Variants in KIRREL3 observed in about 807,000 individuals in gnomAD.
The protein encoded by KIRREL3 is kin of IRRE-like protein 3.
Under a neutral mutation model 89.7 loss-of-function variants are expected in KIRREL3, and 36 were observed. The observed-to-expected ratio is 0.40, with a 90% CI of 0.31 to 0.53. KIRREL3 has a LOEUF of 0.53. KIRREL3 is among the 20% of genes least tolerant of loss of function. The pLI, the probability that KIRREL3 is intolerant of heterozygous loss-of-function variation, is 0.49. For missense variants in KIRREL3, 864 were observed against 1,056.6 expected, an observed-to-expected ratio of 0.82 and a Z score of 2.53; for synonymous variants, 445 against 441.4, an observed-to-expected ratio of 1.01 and a Z score of -0.10.
intron 2 of KIRREL3, among the ~76,000 whole-genome samples, chr11:126,529,677 A>G (rs575262821): frequency 6.6e-6 from 1 of 152,048 alleles, no homozygotes; most frequent in South Asian, 2.1e-4. Context: ...TTCTATGGAA[A>G]GACTGTTTCT....
intron 6 of KIRREL3, among the ~76,000 whole-genome samples, chr11:126,458,991 C>T (rs370532288): frequency 6.6e-6 from 1 of 152,168 alleles, no homozygotes; most frequent in Non-Finnish European, 1.5e-5. Context: ...ACCTAGAGAA[C>T]ATGGACACTC....
intron 1 of KIRREL3, among the ~76,000 whole-genome samples, chr11:126,888,231 G>C (rs1381164995): frequency 6.6e-6 from 1 of 152,192 alleles, no homozygotes; most frequent in Non-Finnish European, 1.5e-5. Flanking sequence ...TGGGACACTA[G>C]ACAGCAGCCA....
chr11:126,450,973 G>C (rs1020886535), intron 7 of KIRREL3, among the ~76,000 whole-genome samples: 1 of 151,454 alleles, frequency 6.6e-6, no homozygotes, highest in African/African-American at 2.4e-5. Context: ...GTGCATGCAT[G>C]GGTGTGTGCA....
intron 1 of KIRREL3, among the ~76,000 whole-genome samples, chr11:126,863,504 A>C (rs1337873147): frequency 1.2e-5 from 1 of 80,048 alleles, no homozygotes; most frequent in African/African-American, 4.9e-5. Flanking sequence ...TGTGAGTGTG[A>C]GTGCGTGTGT....
At position 126,891,743 on chromosome 11, in the gene KIRREL3, G is replaced by C. The variant is rs1945931664; in HGVS notation, c.55+108712C>G. Among the ~76,000 whole-genome samples, 1 of 152,178 alleles carries C rather than the reference G, an allele frequency of 6.6e-6. No homozygotes were observed. The highest frequency in any genetic ancestry group is 2.1e-4 in the South Asian group (1 of 4,824). ...AAGGAAGTTGGCTGGCAGGTTCTGC[G>C]ATCCCTGGAGATGGGCAGGGCTGGG... On this transcript the variant is annotated intron_variant, in intron 1 of 16. Coordinates refer to ENST00000525144, the MANE Select transcript of KIRREL3 (RefSeq NM_032531.4). The surrounding 1 kb of genome is among the most constrained non-coding windows in gnomAD (Gnocchi z 5.1).
At position 126,431,445 on chromosome 11, in the gene KIRREL3, G is replaced by GC. The variant is rs1565443868; in HGVS notation, c.1669dup (p.Ala557GlyfsTer20). The GC allele has an allele frequency of 3.7e-6, 6 of 1,614,000 alleles. No homozygotes were observed. Among genetic ancestry groups the GC allele is most frequent in the Non-Finnish European group, 5.1e-6 (6 of 1,179,878 alleles). ...TCTCTGGGAACGGGCACAGCAGAACGCCACGATGGTTGCCATAAGGACGAG... is the reference window on the plus strand; with the variant it reads ...TCTCTGGGAACGGGCACAGCAGAACGCCCACGATGGTTGCCATAAGGACGAG... On this transcript the variant is annotated frameshift_variant, in exon 14 of 17. Coordinates refer to ENST00000525144, the MANE Select transcript of KIRREL3 (RefSeq NM_032531.4). LOFTEE classifies it high-confidence loss of function. The surrounding 1 kb of genome is among the most constrained non-coding windows in gnomAD (Gnocchi z 7.1).
chr11:126,585,458 T>C (rs1941789665), intron 1 of KIRREL3, among the ~76,000 whole-genome samples: 1 of 151,662 alleles, frequency 6.6e-6, no homozygotes, highest in Non-Finnish European at 1.5e-5. Context: ...GCTCTCGAAT[T>C]CCTGACCTCG....
In KIRREL3 at chr11:126,515,527, G is replaced by A. The variant is rs1159162296; in HGVS notation, c.433+5788C>T. On this transcript the variant is annotated intron_variant, in intron 4 of 16. Transcript: ENST00000525144. The surrounding 1 kb of genome is among the most constrained non-coding windows in gnomAD (Gnocchi z 4.2). ...ATGTGGGCTCCAGAGAAGGCTTCCTGGAGGAGGAGTTGTCTGAGGTGAATC... is the reference window on the plus strand; with the variant it reads ...ATGTGGGCTCCAGAGAAGGCTTCCTAGAGGAGGAGTTGTCTGAGGTGAATC... 1.3e-5 allele frequency among the ~76,000 whole-genome samples: 2 copies of A among 152,330 alleles called. No homozygotes were observed. Among genetic ancestry groups the A allele is most frequent in the East Asian group, 3.9e-4 (2 of 5,170 alleles).
chr11:126,433,120 C>T (rs375178488), intron 13 of KIRREL3, among the ~76,000 whole-genome samples: 1 of 152,178 alleles, frequency 6.6e-6, no homozygotes, highest in African/African-American at 2.4e-5. Context: ...CTCAGGTGAT[C>T]CGCCCGCCTC....
intron 1 of KIRREL3, among the ~76,000 whole-genome samples, chr11:126,962,766 T>C (rs1949131534): frequency 6.6e-6 from 1 of 152,144 alleles, no homozygotes; most frequent in Non-Finnish European, 1.5e-5. Context: ...ATGGCCAACT[T>C]CACTGTGGTC....
At chr11:126,524,919 C>T (rs1958702238) in intron 3 of KIRREL3, among the ~76,000 whole-genome samples, 1 of 152,086 alleles carries the variant, frequency 6.6e-6, no homozygotes, top group African/African-American at 2.4e-5. Flanking sequence ...ATTTTTGGGA[C>T]AAGTGACAAA....
rs747531311 is a variant in KIRREL3, at chr11:126,928,190, G to A, written c.55+72265C>T. ...TGCATAGGAGCTTCACTGGCCTTGA[G>A]GATGTGCAGGAGTTTGCTAGGTAGA... On this transcript the variant is annotated intron_variant, in intron 1 of 16. Coordinates refer to ENST00000525144, the MANE Select transcript of KIRREL3 (RefSeq NM_032531.4). Among the ~76,000 whole-genome samples, 57 of 152,352 alleles carry A rather than the reference G, an allele frequency of 3.7e-4. 1 individual carries two copies. The highest frequency in any genetic ancestry group is 3.8e-4 in the Non-Finnish European group (26 of 68,032).
At chr11:126,464,870 A>G (rs533422549) in intron 5 of KIRREL3, among the ~76,000 whole-genome samples, 101 of 152,168 alleles carry the variant, frequency 6.6e-4, no homozygotes, top group Non-Finnish European at 1.3e-3. Context: ...TTGTAATGGC[A>G]GCCCTAGGAA....
rs1436206749 is a variant in KIRREL3 at position 126,999,604 on chromosome 11, C to G, written c.55+851G>C. Among the ~76,000 whole-genome samples the G allele has an allele frequency of 6.6e-6, 1 of 152,220 alleles. No homozygotes were observed. The highest frequency in any genetic ancestry group is 1.5e-5 in the Non-Finnish European group (1 of 68,038). On this transcript the variant is annotated intron_variant, in intron 1 of 16. Transcript: ENST00000525144. The surrounding 1 kb of genome is among the most constrained non-coding windows in gnomAD (Gnocchi z 5.7). ...GAAGGAGCCCATGTACTTGCCCCTC[C>G]AAACTCAATTCCACAGGTGACTTTT...
intron 1 of KIRREL3, among the ~76,000 whole-genome samples, chr11:126,818,890 G>C (rs1434153853): frequency 1.3e-5 from 2 of 152,098 alleles, no homozygotes; most frequent in African/African-American, 4.8e-5. Context: ...CCTTAGACAT[G>C]AGACATGTAC....
At chr11:126,650,815 T>C (rs1050308309) in intron 1 of KIRREL3, among the ~76,000 whole-genome samples, 3 of 152,184 alleles carry the variant, frequency 2.0e-5, no homozygotes, top group African/African-American at 7.2e-5. Context: ...CAATTTACTG[T>C]ATTAGTCTGT....
Position 126,808,488 on chromosome 11 carries a change from C to T in KIRREL3, c.55+191967G>A, listed in dbSNP as rs569656819. On this transcript the variant is annotated intron_variant, in intron 1 of 16. Transcript: ENST00000525144. This position sits in a 1 kb window ranked among gnomAD's most constrained non-coding sequence, Gnocchi z 4.1. Reference sequence around the variant, plus strand: ...AGTTTTTCATGGGGTCTGTTTTTTTCCCAGTGACCTCCTGAGGCAGCAGAC... The same window carrying T: ...AGTTTTTCATGGGGTCTGTTTTTTTTCCAGTGACCTCCTGAGGCAGCAGAC... 6.6e-6 allele frequency among the ~76,000 whole-genome samples: 1 copy of T among 152,128 alleles called. No individual in the cohort carries two copies. The highest frequency in any genetic ancestry group is 1.9e-4 in the East Asian group (1 of 5,168).
At chr11:126,998,789 C>G (rs1250866133) in intron 1 of KIRREL3, among the ~76,000 whole-genome samples, 1 of 152,182 alleles carries the variant, frequency 6.6e-6, no homozygotes, top group Non-Finnish European at 1.5e-5. Flanking sequence ...CTGATTAAAG[C>G]ATGCACTGGT....
At chr11:126,756,678 G>A (rs1027725653) in intron 1 of KIRREL3, among the ~76,000 whole-genome samples, 2 of 152,350 alleles carry the variant, frequency 1.3e-5, no homozygotes, top group African/African-American at 2.4e-5. Flanking sequence ...AAGTCAGCAG[G>A]GAGACAGGGG....
Sources: gnomAD v4.1 joint callset for allele counts (sites outside exome capture counted in the v4.1 genomes callset) on GRCh38, gnomAD v4.1.1 for gene constraint, Gnocchi (gnomAD v3.1) non-coding constraint, MANE v1.5 for transcripts, NCBI Gene and HGNC (gene_info 2026-07-23, HGNC 2026-07-21) for gene names.